The following SPIRE1 variants were observed in gnomAD, a reference collection of about 807,000 sequenced individuals.
SPIRE1 encodes the protein protein spire homolog 1.
A neutral mutation model predicts 94.1 loss-of-function variants in SPIRE1; 40 were observed. The observed-to-expected ratio is 0.43, with a 90% CI of 0.33 to 0.55. The LOEUF is 0.55. Among genes scored for constraint, SPIRE1 ranks in the 20% least tolerant of loss-of-function variants. The probability of loss-of-function intolerance (pLI) is 0.06; values close to 1 mark genes in which losing one functional copy is unlikely to be tolerated. For synonymous variants in SPIRE1, 376 were observed against 371.7 expected (o/e 1.01, Z -0.13); for missense variants, 838 against 975.2 (o/e 0.86, Z 1.87).
intron 2 of SPIRE1, among the ~76,000 whole-genome samples, chr18:12,609,509 T>C (rs1213948159): frequency 3.3e-5 from 5 of 151,996 alleles, no homozygotes; most frequent in Non-Finnish European, 7.4e-5. Context: ...CCCAGCCATT[T>C]CTCCTTTTCA....
At chr18:12,563,235 T>A (rs764595960) in intron 2 of SPIRE1, among the ~76,000 whole-genome samples, 3 of 151,968 alleles carry the variant, frequency 2.0e-5, no homozygotes, top group Non-Finnish European at 2.9e-5. Context: ...GTTCTAGGTA[T>A]ATGGTGTTGA....
chr18:12,631,548 CAAAAAAAAAAA>C (rs869278182), intron 2 of SPIRE1, among the ~76,000 whole-genome samples: 37 of 63,796 alleles, frequency 5.8e-4, no homozygotes, highest in African/African-American at 2.3e-3. Flanking sequence ...CCCATCTCTA[CAAAAAAAAAAA>C]AAAAAAAAAA....
intron 10 of SPIRE1, among the ~76,000 whole-genome samples, chr18:12,469,560 A>G (rs1259696744): frequency 6.9e-6 from 1 of 145,598 alleles, no homozygotes; most frequent in African/African-American, 2.5e-5. Context: ...CTCTTTATAT[A>G]TATAAATTAT....
chr18:12,637,286 G>A (rs2037957152), intron 1 of SPIRE1, among the ~76,000 whole-genome samples: 1 of 151,402 alleles, frequency 6.6e-6, no homozygotes, highest in Non-Finnish European at 1.5e-5. Flanking sequence ...GTGAACCCGG[G>A]AGGCAGAGCT....
chr18:12,593,022 TG>T (rs763564846), intron 2 of SPIRE1, among the ~76,000 whole-genome samples: 1 of 152,232 alleles, frequency 6.6e-6, no homozygotes, highest in Non-Finnish European at 1.5e-5. Context: ...CTAATGTTAC[TG>T]TTAGGTTCTC....
At chr18:12,482,386 G>A (rs1242882091) in intron 9 of SPIRE1, among the ~76,000 whole-genome samples, 2 of 151,904 alleles carry the variant, frequency 1.3e-5, no homozygotes, top group African/African-American at 2.4e-5. Context: ...CTTGTGATCC[G>A]CCTGCCTCAG....
intron 2 of SPIRE1, among the ~76,000 whole-genome samples, chr18:12,578,496 T>C (rs2036170566): frequency 6.6e-6 from 1 of 152,238 alleles, no homozygotes; most frequent in Non-Finnish European, 1.5e-5. Flanking sequence ...GCTGGGGGAC[T>C]GACTGCACCG....
intron 12 of SPIRE1, among the ~76,000 whole-genome samples, chr18:12,461,568 T>C (rs2031852632): frequency 7.1e-6 from 1 of 141,058 alleles, no homozygotes; most frequent in Non-Finnish European, 1.5e-5. Flanking sequence ...CGTGTATATG[T>C]ATGTACATAC....
At chr18:12,656,006 C>G (rs912204981) in intron 1 of SPIRE1, among the ~76,000 whole-genome samples, 3 of 152,164 alleles carry the variant, frequency 2.0e-5, no homozygotes, top group Non-Finnish European at 4.4e-5. Context: ...TCAAGCAATT[C>G]TCCCACCTCA....
intron 3 of SPIRE1, among the ~76,000 whole-genome samples, chr18:12,542,386 T>TAA (rs2035039563): frequency 1.3e-5 from 2 of 152,204 alleles, no homozygotes; most frequent in Non-Finnish European, 2.9e-5. Context: ...TGATTAATAG[T>TAA]CACATGTGGC....
intron 2 of SPIRE1, among the ~76,000 whole-genome samples, chr18:12,610,208 T>A (rs1854304450): frequency 6.6e-6 from 1 of 152,158 alleles, no homozygotes; most frequent in Non-Finnish European, 1.5e-5. Flanking sequence ...CTCTCTCAAT[T>A]CTTGGTGATT....
At chr18:12,547,638 C>T (rs1002444268) in intron 2 of SPIRE1, among the ~76,000 whole-genome samples, 10 of 152,220 alleles carry the variant, frequency 6.6e-5, no homozygotes, top group Admixed American at 2.0e-4. Context: ...GTGTCTCTCT[C>T]TCTCTCTCTA....
At chr18:12,480,934 G>A (rs1317960111) in intron 9 of SPIRE1, among the ~76,000 whole-genome samples, 1 of 152,218 alleles carries the variant, frequency 6.6e-6, no homozygotes, top group African/African-American at 2.4e-5. Context: ...CAGTCTGTGA[G>A]GCTGCCGTAG....
At chr18:12,512,850 T>C (rs1355580254) in intron 4 of SPIRE1, among the ~76,000 whole-genome samples, 3 of 151,388 alleles carry the variant, frequency 2.0e-5, no homozygotes, top group African/African-American at 7.3e-5. Flanking sequence ...AACACCATCA[T>C]ATTTTGCCTG....
chr18:12,467,847 G>C (rs1213985465), intron 10 of SPIRE1, among the ~76,000 whole-genome samples: 2 of 152,148 alleles, frequency 1.3e-5, no homozygotes, highest in South Asian at 4.1e-4. Context: ...TACTCAGGAG[G>C]CTGAGGCATG....
intron 2 of SPIRE1, among the ~76,000 whole-genome samples, chr18:12,613,612 G>C: frequency 6.6e-6 from 1 of 152,250 alleles, no homozygotes; most frequent in South Asian, 2.1e-4. Flanking sequence ...AATAATTTTC[G>C]TATCTGGCCG....
intron 2 of SPIRE1, among the ~76,000 whole-genome samples, chr18:12,580,118 G>C (rs754617659): frequency 1.8e-4 from 28 of 152,158 alleles, no homozygotes; most frequent in Non-Finnish European, 3.7e-4. Flanking sequence ...GGTTATTTCT[G>C]AAGTACCGTC....
intron 6 of SPIRE1, among the ~76,000 whole-genome samples, chr18:12,501,313 G>A (rs1334709488): frequency 2.0e-5 from 3 of 152,042 alleles, no homozygotes; most frequent in Admixed American, 2.0e-4. Context: ...CATGGATACA[G>A]GGTTTATATA....
chr18:12,553,795 T>TCTAGAAAA (rs1314492776), intron 2 of SPIRE1, among the ~76,000 whole-genome samples: 1 of 152,002 alleles, frequency 6.6e-6, no homozygotes, highest in Non-Finnish European at 1.5e-5. Context: ...AAAACTAGTT[T>TCTAGAAAA]CTAGAAAACT....
Sources: allele counts gnomAD v4.1 joint callset (sites outside exome capture counted in the v4.1 genomes callset), GRCh38; gene constraint gnomAD v4.1.1; transcripts MANE v1.5; gene names NCBI Gene and HGNC (gene_info 2026-07-23, HGNC 2026-07-21).